The following SSH2 variants were observed in gnomAD, a reference collection of about 807,000 sequenced individuals.
The protein encoded by SSH2 is slingshot protein phosphatase 2, also known as protein phosphatase Slingshot homolog 2.
A neutral mutation model predicts 135.2 loss-of-function variants in SSH2; 37 were observed. The observed-to-expected ratio is 0.27, with a 90% CI of 0.21 to 0.36. The LOEUF (loss-of-function observed/expected upper bound fraction) is 0.36, where lower values mean the gene tolerates loss of function less well. Ranked by LOEUF, SSH2 falls within the 10% of genes least tolerant of loss-of-function variation. SSH2 has a pLI of 1.00. For synonymous variants in SSH2, 628 were observed against 646.2 expected (o/e 0.97, Z 0.43); for missense variants, 1,408 against 1,765.3 (o/e 0.80, Z 3.63).
chr17:29,925,897 T>G (rs2067055208), intron 1 of SSH2, among the ~76,000 whole-genome samples: 1 of 152,150 alleles, frequency 6.6e-6, no homozygotes, highest in Non-Finnish European at 1.5e-5. Flanking sequence ...TTAATACATT[T>G]TTTAAAATAA....
At chr17:29,887,224 T>C (rs1362610070) in intron 1 of SSH2, among the ~76,000 whole-genome samples, 1 of 152,186 alleles carries the variant, frequency 6.6e-6, no homozygotes, top group Non-Finnish European at 1.5e-5. Flanking sequence ...AGCAAGCTAT[T>C]AGCATAGAAC....
intron 3 of SSH2, among the ~76,000 whole-genome samples, chr17:29,777,897 A>G (rs1434443990): frequency 1.3e-5 from 2 of 151,528 alleles, no homozygotes; most frequent in African/African-American, 4.8e-5. Flanking sequence ...GTAAGGGGCC[A>G]GCAGATGGGA....
chr17:29,849,069 T>C (rs2065498214), intron 1 of SSH2, 140 bp from the exon 2 acceptor site: 1 of 552,254 alleles, frequency 1.8e-6, no homozygotes, highest in African/African-American at 1.9e-5. Context: ...ATGGCTATTT[T>C]GAGAGAACAC....
Position 29,628,505 on chromosome 17 carries a change from C to CT in SSH2, c.*2335dup, listed in dbSNP as rs1390407232. 6.6e-6 allele frequency: 1 copy of CT among 152,142 alleles called. No individual in the cohort carries two copies. The highest frequency in any genetic ancestry group is 6.5e-5 in the Admixed American group (1 of 15,270). 9.4% of individuals were successfully genotyped at this position (152,142 alleles called of 1,614,324 possible). The stretch of plus-strand genomic sequence containing the variant: ...GGTTACCACAAGTGGATGCCACTCT[C>CT]TTAACTTCCAGGCAAACCCTCTCCC... On this transcript the variant is annotated 3_prime_UTR_variant, in exon 16 of 16. Transcript: ENST00000540801.
intron 3 of SSH2, among the ~76,000 whole-genome samples, chr17:29,728,490 T>C (rs150916837): frequency 1.3e-5 from 2 of 152,246 alleles, no homozygotes; most frequent in Non-Finnish European, 2.9e-5. Flanking sequence ...AATCTAAAGA[T>C]TCAATGCAAT....
intron 2 of SSH2, among the ~76,000 whole-genome samples, chr17:29,797,298 G>C (rs1188684805): frequency 3.3e-5 from 5 of 152,052 alleles, no homozygotes; most frequent in African/African-American, 1.2e-4. Context: ...TCAAAATGTG[G>C]CACCACCCAC....
intron 2 of SSH2, among the ~76,000 whole-genome samples, chr17:29,794,695 T>G (rs1165154892): frequency 6.6e-6 from 1 of 152,230 alleles, no homozygotes; most frequent in African/African-American, 2.4e-5. Flanking sequence ...TTATAACTTA[T>G]GTCAATTTAG....
At chr17:29,772,246 CTTT>C (rs373494083) in intron 3 of SSH2, among the ~76,000 whole-genome samples, 2 of 136,382 alleles carry the variant, frequency 1.5e-5, no homozygotes. Context: ...AAAATCAGGT[CTTT>C]TTTTTTTTTT....
At chr17:29,771,916 A>T (rs1328729498) in intron 3 of SSH2, among the ~76,000 whole-genome samples, 1 of 152,190 alleles carries the variant, frequency 6.6e-6, no homozygotes, top group African/African-American at 2.4e-5. Context: ...TCAGACACTT[A>T]CACAATTATA....
intron 3 of SSH2, among the ~76,000 whole-genome samples, chr17:29,722,211 T>A (rs1207275842): frequency 6.6e-6 from 1 of 150,616 alleles, no homozygotes; most frequent in Non-Finnish European, 1.5e-5. Context: ...GAGGTGGAGG[T>A]TGTAGTGAGC....
At chr17:29,672,404 G>A (rs773414991) in intron 8 of SSH2, among the ~76,000 whole-genome samples, 14 of 149,192 alleles carry the variant, frequency 9.4e-5, no homozygotes, top group Non-Finnish European at 2.0e-4. Flanking sequence ...ATAGGTCCAG[G>A]TACCTATGGA....
At position 29,912,832 on chromosome 17, in the gene SSH2, TACACAGAGTC is replaced by T. The variant is rs2066789695; in HGVS notation, c.63+17096_63+17105del. 1.3e-5 allele frequency among the ~76,000 whole-genome samples: 2 copies of T among 152,164 alleles called. 1 individual carries two copies. Among genetic ancestry groups the T allele is most frequent in the South Asian group, 4.1e-4 (2 of 4,832 alleles). Reference sequence around the variant, plus strand: ...AAGACTTTTCTGGCAATACTGGGTCTACACAGAGTCACACTGGCAGCCTCTGAAGACAGAG... The same window carrying T: ...AAGACTTTTCTGGCAATACTGGGTCTACACTGGCAGCCTCTGAAGACAGAG... On this transcript the variant is annotated intron_variant, in intron 1 of 15. Transcript: ENST00000540801.
chr17:29,890,348 A>G (rs764787979), intron 1 of SSH2, among the ~76,000 whole-genome samples: 5 of 152,210 alleles, frequency 3.3e-5, no homozygotes, highest in Non-Finnish European at 5.9e-5. Context: ...CCATACAGAA[A>G]CTTGTACACA....
At chr17:29,637,552 C>T (rs370102325) in intron 14 of SSH2, among the ~76,000 whole-genome samples, 4 of 152,082 alleles carry the variant, frequency 2.6e-5, no homozygotes, top group African/African-American at 7.2e-5. Context: ...GAGGCCGAGG[C>T]GGGCAGATCG....
intron 14 of SSH2, chr17:29,645,139 A>C (rs1444659620): frequency 6.6e-6 from 1 of 152,216 alleles, no homozygotes; most frequent in African/African-American, 2.4e-5. Flanking sequence ...ACTCTCAACA[A>C]TACGTAATAA....
chr17:29,768,155 A>T (rs942014226), intron 3 of SSH2, among the ~76,000 whole-genome samples: 1 of 152,056 alleles, frequency 6.6e-6, no homozygotes, highest in Non-Finnish European at 1.5e-5. Context: ...AAAAGCTAAA[A>T]ATATATATAT....
At chr17:29,848,977 T>G in intron 1 of SSH2, 48 bp from the exon 2 acceptor site, 196 of 1,221,272 alleles carry the variant, frequency 1.6e-4, no homozygotes, top group Non-Finnish European at 2.0e-4. Context: ...AATGGGCCCA[T>G]AAGCACGAGG....
chr17:29,716,430 C>A, intron 3 of SSH2: 1 of 648,996 alleles, frequency 1.5e-6, no homozygotes, highest in Non-Finnish European at 2.9e-6. Context: ...CACATTAATT[C>A]TCTTGGCAAG....
At chr17:29,691,495 CTT>C (rs11366088) in intron 5 of SSH2, among the ~76,000 whole-genome samples, 212 of 143,188 alleles carry the variant, frequency 1.5e-3, no homozygotes, top group Non-Finnish European at 1.4e-3. Flanking sequence ...TATTTTCTCT[CTT>C]TTTTTTTTTT....
Sources: gnomAD v4.1 joint callset for allele counts (sites outside exome capture counted in the v4.1 genomes callset) on GRCh38, gnomAD v4.1.1 for gene constraint, MANE v1.5 for transcripts, NCBI Gene and HGNC (gene_info 2026-07-23, HGNC 2026-07-21) for gene names.